METTL24: variants seen among roughly 807,000 people sequenced by gnomAD.
METTL24 encodes methyltransferase like 24.
In METTL24, 29 loss-of-function variants were observed where a neutral mutation model predicts 32.7. The observed-to-expected ratio is 0.89, with a 90% CI of 0.66 to 1.21. METTL24 has a LOEUF of 1.21. Ranked by LOEUF, METTL24 falls within the 50% of genes most tolerant of loss-of-function variation. The pLI is 0.00. For synonymous variants in METTL24, 163 were observed against 179.5 expected (o/e 0.91, Z 0.73); for missense variants, 439 against 468.1 (o/e 0.94, Z 0.57).
At chr6:110,272,146 C>T (rs1175689196) in intron 4 of METTL24, among the ~76,000 whole-genome samples, 1 of 152,030 alleles carries the variant, frequency 6.6e-6, no homozygotes, top group Non-Finnish European at 1.5e-5. Flanking sequence ...TCCACAAGTC[C>T]CCAAAGTCCA....
At chr6:110,248,719 A>AG (rs2114689125) in intron 4 of METTL24, among the ~76,000 whole-genome samples, 1 of 152,034 alleles carries the variant, frequency 6.6e-6, no homozygotes, top group East Asian at 1.9e-4. Context: ...CAGGAGTTCA[A>AG]GACAACCTTG....
At chr6:110,353,687 A>AAAATATATCCG (rs1772654148) in intron 1 of METTL24, among the ~76,000 whole-genome samples, 1 of 152,030 alleles carries the variant, frequency 6.6e-6, no homozygotes, top group Admixed American at 6.5e-5. Flanking sequence ...AATGTCAAGT[A>AAAATATATCCG]AAATATATCC....
rs142062793 is a variant in METTL24 at position 110,302,664 on chromosome 6, T to C, written c.558-3514A>G. On this transcript the variant is annotated intron_variant, in intron 3 of 4. Transcript: ENST00000338882. Reference sequence around the variant, plus strand: ...ACATATGTGTATATATATACACATATACACACACATACACGTGTGTATATA... The same window carrying C: ...ACATATGTGTATATATATACACATACACACACACATACACGTGTGTATATA... 3.0e-4 allele frequency among the ~76,000 whole-genome samples: 42 copies of C among 140,864 alleles called. 1 individual carries two copies. The highest frequency in any genetic ancestry group is 1.2e-3 in the African/African-American group (39 of 33,112). 92.4% of individuals were successfully genotyped at this position (140,864 alleles called of 152,430 possible). A position where few individuals can be genotyped will look rare whatever the true frequency, so the allele number is the denominator to read the frequency against.
At chr6:110,313,302 C>G (rs55870347) in intron 3 of METTL24, among the ~76,000 whole-genome samples, 1 of 152,076 alleles carries the variant, frequency 6.6e-6, no homozygotes, top group Admixed American at 6.5e-5. Flanking sequence ...GACTTGATTA[C>G]TATGCATGCT....
At chr6:110,319,416 T>TAGAG (rs1771888464) in intron 2 of METTL24, among the ~76,000 whole-genome samples, 1 of 93,720 alleles carries the variant, frequency 1.1e-5, no homozygotes, top group South Asian at 3.9e-4. Context: ...GGTAGAGAGG[T>TAGAG]AGAGATAGAT....
At chr6:110,291,708 TG>T (rs760179282) in intron 4 of METTL24, among the ~76,000 whole-genome samples, 15 of 152,280 alleles carry the variant, frequency 9.9e-5, no homozygotes, top group South Asian at 2.1e-4. Context: ...CTCCACCCTC[TG>T]ATAGGCCCCA....
intron 3 of METTL24, among the ~76,000 whole-genome samples, chr6:110,304,891 T>C (rs1234252117): frequency 6.6e-6 from 1 of 152,082 alleles, no homozygotes; most frequent in African/African-American, 2.4e-5. Flanking sequence ...GAAAAAAATG[T>C]TAAAGGAAGC....
intron 4 of METTL24, among the ~76,000 whole-genome samples, chr6:110,295,287 T>G (rs780086821): frequency 6.6e-6 from 1 of 152,178 alleles, no homozygotes; most frequent in Non-Finnish European, 1.5e-5. Context: ...AAAGCCCATA[T>G]TCTCTCAAAT....
At chr6:110,330,118 C>A (rs964240312) in intron 1 of METTL24, among the ~76,000 whole-genome samples, 8 of 152,242 alleles carry the variant, frequency 5.3e-5, no homozygotes, top group African/African-American at 1.9e-4. Context: ...GGAGGCGGGG[C>A]GTCTCCCGAT....
Position 110,258,917 on chromosome 6 carries a change from A to T in METTL24, c.787-12657T>A, listed in dbSNP as rs139848461. On this transcript the variant is annotated intron_variant, in intron 4 of 4. Transcript: ENST00000338882. ...TCTCCTTGGAAGTTAAGGGCTAGCT[A>T]GGTAAACTTAAAGACAGCCACAATA... Among the ~76,000 whole-genome samples the T allele has an allele frequency of 7.2e-3, 1,091 of 152,284 alleles. 8 individuals carry two copies. The highest frequency in any genetic ancestry group is 0.014 in the Middle Eastern group (4 of 294).
At chr6:110,313,559 G>A (rs974696856) in intron 3 of METTL24, among the ~76,000 whole-genome samples, 16 of 152,088 alleles carry the variant, frequency 1.1e-4, no homozygotes, top group East Asian at 1.9e-4. Context: ...ATCCCAGGGC[G>A]TAAAATATTA....
chr6:110,337,212 G>C (rs1167686369), intron 1 of METTL24, among the ~76,000 whole-genome samples: 1 of 152,180 alleles, frequency 6.6e-6, no homozygotes, highest in Non-Finnish European at 1.5e-5. Context: ...AGAAGTGGGA[G>C]CTAAATGATG....
At chr6:110,265,203 T>A (rs991504164) in intron 4 of METTL24, among the ~76,000 whole-genome samples, 1 of 147,168 alleles carries the variant, frequency 6.8e-6, no homozygotes, top group African/African-American at 2.5e-5. Context: ...GAAAGAAAGT[T>A]AATATCCCTC....
intron 4 of METTL24, among the ~76,000 whole-genome samples, chr6:110,272,372 C>G (rs574562630): frequency 6.6e-6 from 1 of 152,256 alleles, no homozygotes; most frequent in South Asian, 2.1e-4. Flanking sequence ...ACTAGTTGGT[C>G]GATGGGCATT....
intron 4 of METTL24, among the ~76,000 whole-genome samples, chr6:110,257,757 C>T (rs1233968651): frequency 6.6e-6 from 1 of 152,236 alleles, no homozygotes; most frequent in African/African-American, 2.4e-5. Flanking sequence ...CAGCACTCAG[C>T]CTCAGCCCAT....
At chr6:110,317,522 A>G (rs1401171324) in intron 2 of METTL24, among the ~76,000 whole-genome samples, 1 of 152,116 alleles carries the variant, frequency 6.6e-6, no homozygotes, top group African/African-American at 2.4e-5. Flanking sequence ...GAAACTAGTT[A>G]GTCCAGGGCA....
At chr6:110,326,358 C>A (rs905051694) in intron 1 of METTL24, among the ~76,000 whole-genome samples, 1 of 152,336 alleles carries the variant, frequency 6.6e-6, no homozygotes. Flanking sequence ...TAAAATAGAT[C>A]ATTTTCCCTG....
At chr6:110,327,580 CAT>C (rs1207714294) in intron 1 of METTL24, among the ~76,000 whole-genome samples, 1 of 152,206 alleles carries the variant, frequency 6.6e-6, no homozygotes, top group Non-Finnish European at 1.5e-5. Context: ...AAACATTTCA[CAT>C]AAAGCAATGT....
At chr6:110,264,043 T>C (rs1473058843) in intron 4 of METTL24, among the ~76,000 whole-genome samples, 1 of 152,066 alleles carries the variant, frequency 6.6e-6, no homozygotes, top group African/African-American at 2.4e-5. Context: ...GGCAATACCA[T>C]TCAGGACATA....
Sources: allele counts gnomAD v4.1 joint callset (sites outside exome capture counted in the v4.1 genomes callset), GRCh38; gene constraint gnomAD v4.1.1; transcripts MANE v1.5; gene names NCBI Gene and HGNC (gene_info 2026-07-23, HGNC 2026-07-21).